The following STX8 variants were observed in gnomAD, a reference collection of about 807,000 sequenced individuals.
The protein encoded by STX8 is syntaxin 8.
In STX8, 23 loss-of-function variants were observed where a neutral mutation model predicts 37.5. That is an observed-to-expected ratio of 0.61 (90% CI 0.44 to 0.87). The LOEUF is 0.87. STX8 is among the 40% of genes least tolerant of loss of function. The pLI, the probability that STX8 is intolerant of heterozygous loss-of-function variation, is 0.00. For missense variants in STX8, 313 were observed against 284.7 expected (o/e 1.10, Z -0.71); for synonymous variants, 115 against 99.1 (o/e 1.16, Z -0.95).
At position 9,473,328 on chromosome 17, in the gene STX8, G is replaced by A. The variant is rs117718805; in HGVS notation, c.541+18501C>T. 6.8e-4 allele frequency among the ~76,000 whole-genome samples: 104 copies of A among 152,196 alleles called. 5 individuals are homozygous for A. In the East Asian group the frequency reaches 0.02, roughly 29 times the overall value. ...GCCACCGTGCCCAGCCATGTCTCAG[G>A]ATCTTTTCTGCACAGTTAGCAGATT... On this transcript the variant is annotated intron_variant, in intron 6 of 7. Coordinates refer to ENST00000306357, the MANE Select transcript of STX8 (RefSeq NM_004853.3).
At chr17:9,336,723 C>T (rs976665077) in intron 7 of STX8, among the ~76,000 whole-genome samples, 3 of 152,018 alleles carry the variant, frequency 2.0e-5, no homozygotes, top group Non-Finnish European at 2.9e-5. Flanking sequence ...TGTAAGCCAC[C>T]GTGCCCAGCC....
At chr17:9,261,004 A>G (rs1282217700) in intron 7 of STX8, among the ~76,000 whole-genome samples, 2 of 152,160 alleles carry the variant, frequency 1.3e-5, no homozygotes, top group Admixed American at 1.3e-4. Context: ...GTGGCCTGGA[A>G]GGGGTGGGGG....
intron 7 of STX8, among the ~76,000 whole-genome samples, chr17:9,254,336 A>G (rs1391279514): frequency 6.7e-6 from 1 of 150,310 alleles, no homozygotes; most frequent in Non-Finnish European, 1.5e-5. Flanking sequence ...TTCCCAAAGA[A>G]CTCTTTGTCA....
At chr17:9,558,034 A>AG (rs1315391109) in intron 2 of STX8, among the ~76,000 whole-genome samples, 1 of 152,182 alleles carries the variant, frequency 6.6e-6, no homozygotes, top group Non-Finnish European at 1.5e-5. Flanking sequence ...TTTTACGGCA[A>AG]TGTGTTCTTT....
chr17:9,536,539 T>C (rs529963653), intron 4 of STX8, among the ~76,000 whole-genome samples: 14 of 152,158 alleles, frequency 9.2e-5, no homozygotes, highest in African/African-American at 3.1e-4. Context: ...CAATCGTCAG[T>C]CAGAGTGGGT....
At chr17:9,293,283 G>A (rs889154814) in intron 7 of STX8, among the ~76,000 whole-genome samples, 6 of 152,160 alleles carry the variant, frequency 3.9e-5, no homozygotes, top group African/African-American at 1.4e-4. Context: ...TATTCTAGGA[G>A]TATCTAAGGG....
At chr17:9,516,332 T>TATAG (rs1905159786) in intron 4 of STX8, among the ~76,000 whole-genome samples, 3 of 120,496 alleles carry the variant, frequency 2.5e-5, no homozygotes, top group Non-Finnish European at 5.2e-5. Flanking sequence ...TATATATATA[T>TATAG]ATATATATAT....
At chr17:9,560,218 T>TGAAA (rs1382873989) in intron 2 of STX8, among the ~76,000 whole-genome samples, 2 of 150,648 alleles carry the variant, frequency 1.3e-5, no homozygotes. Context: ...GCCAACATGG[T>TGAAA]GAAACCCTGT....
At chr17:9,270,306 G>A (rs1207906715) in intron 7 of STX8, among the ~76,000 whole-genome samples, 5 of 152,088 alleles carry the variant, frequency 3.3e-5, no homozygotes, top group South Asian at 4.1e-4. Flanking sequence ...GTGCAGTGGC[G>A]CGATCTCAGC....
chr17:9,379,984 G>T (rs1201716419), intron 6 of STX8, among the ~76,000 whole-genome samples: 2 of 151,250 alleles, frequency 1.3e-5, no homozygotes, highest in Non-Finnish European at 2.9e-5. Flanking sequence ...AAAAAGAAAA[G>T]AATCCTTGAT....
intron 7 of STX8, among the ~76,000 whole-genome samples, chr17:9,352,823 C>T (rs1312635304): frequency 6.6e-6 from 1 of 152,040 alleles, no homozygotes; most frequent in East Asian, 1.9e-4. Flanking sequence ...CTCATGGATG[C>T]ATTTTTCAAG....
At chr17:9,390,909 G>C (rs931646692) in intron 6 of STX8, among the ~76,000 whole-genome samples, 1 of 151,106 alleles carries the variant, frequency 6.6e-6, no homozygotes, top group African/African-American at 2.4e-5. Flanking sequence ...ACAGTTAAAC[G>C]CAATCTGTAA....
intron 6 of STX8, among the ~76,000 whole-genome samples, chr17:9,396,735 T>C (rs1013787131): frequency 8.6e-5 from 13 of 150,608 alleles, no homozygotes; most frequent in Middle Eastern, 3.5e-3. Flanking sequence ...AAAACAACTC[T>C]ATATGATACT....
chr17:9,556,189 A>C (rs952062243), intron 3 of STX8, among the ~76,000 whole-genome samples: 7 of 152,148 alleles, frequency 4.6e-5, no homozygotes, highest in African/African-American at 1.7e-4. Flanking sequence ...GGGGGAAAAT[A>C]TTTTTTAGAA....
chr17:9,288,194 A>G (rs1448494020), intron 7 of STX8, among the ~76,000 whole-genome samples: 1 of 151,698 alleles, frequency 6.6e-6, no homozygotes, highest in Non-Finnish European at 1.5e-5. Flanking sequence ...AAAAAAAAAA[A>G]AACAGAAAAA....
At chr17:9,260,892 C>A (rs747114683) in intron 7 of STX8, among the ~76,000 whole-genome samples, 1 of 151,984 alleles carries the variant, frequency 6.6e-6, no homozygotes, top group East Asian at 1.9e-4. Flanking sequence ...AACACAGAAA[C>A]GTGGAAAGAA....
At chr17:9,319,896 G>A (rs1393219220) in intron 7 of STX8, among the ~76,000 whole-genome samples, 1 of 151,948 alleles carries the variant, frequency 6.6e-6, no homozygotes, top group Non-Finnish European at 1.5e-5. Flanking sequence ...GGTTGCAGGA[G>A]CTGAGATCTT....
rs368717718 is a variant in STX8 at position 9,386,757 on chromosome 17, T to C, written c.542-8104A>G. ...GGTAACATGGAAACTCATGAGAAAA[T>C]CAGTTCCATGGCTGAGTTAGAGGGT... On this transcript the variant is annotated intron_variant, in intron 6 of 7. Coordinates refer to ENST00000306357, the MANE Select transcript of STX8 (RefSeq NM_004853.3). Among the ~76,000 whole-genome samples the C allele has an allele frequency of 6.3e-4, 96 of 152,266 alleles. No homozygotes were observed. In the East Asian group the frequency reaches 0.018, roughly 28 times the overall value.
intron 2 of STX8, among the ~76,000 whole-genome samples, chr17:9,566,473 G>T (rs1180523558): frequency 6.6e-6 from 1 of 152,150 alleles, no homozygotes; most frequent in Non-Finnish European, 1.5e-5. Flanking sequence ...CGAAGGAATA[G>T]AAATCATTCT....
Sources: gnomAD v4.1 joint callset for allele counts (sites outside exome capture counted in the v4.1 genomes callset) on GRCh38, gnomAD v4.1.1 for gene constraint, MANE v1.5 for transcripts, NCBI Gene and HGNC (gene_info 2026-07-23, HGNC 2026-07-21) for gene names.